SBF1: variants seen among roughly 807,000 people sequenced by gnomAD.
SBF1 encodes the protein SET binding factor 1.
SBF1 carries 65 observed loss-of-function variants against 215.8 expected under a neutral mutation model. That is an observed-to-expected ratio of 0.30 (90% CI 0.25 to 0.37). The LOEUF (loss-of-function observed/expected upper bound fraction) is 0.37. Ranked by LOEUF, SBF1 falls within the 10% of genes least tolerant of loss-of-function variation. The probability of loss-of-function intolerance (pLI) is 1.00; values close to 1 mark genes in which losing one functional copy is unlikely to be tolerated. For missense variants in SBF1, 2,634 were observed against 2,667.8 expected, an observed-to-expected ratio of 0.99 and a Z score of 0.28; for synonymous variants, 1,410 against 1,122.8, an observed-to-expected ratio of 1.26 and a Z score of -5.11.
In SBF1 at chr22:50,474,767, G is replaced by T; in HGVS notation, c.55+19C>A. 3 of 1,460,668 alleles carry T rather than the reference G, an allele frequency of 2.1e-6. No homozygotes were observed. The highest frequency in any genetic ancestry group is 2.7e-6 in the Non-Finnish European group (3 of 1,109,976). The allele number at this position is 1,460,668 out of a possible 1,614,324, so 90.5% of individuals were successfully genotyped here. ...CGACCCTCGGCCCCCGGCCCTCAGC[G>T]CTTGGCCTCGGCACTCACCGCGCGG... On this transcript the variant is annotated intron_variant, in intron 1 of 40. Coordinates refer to ENST00000380817, the MANE Select transcript of SBF1 (RefSeq NM_002972.4).
intron 26 of SBF1, 34 bp downstream of exon 26, chr22:50,459,918 T>C: frequency 1.2e-6 from 2 of 1,608,660 alleles, no homozygotes; most frequent in South Asian, 1.1e-5. Context: ...CAGTCACGTG[T>C]CCACCACCCG....
rs539517246 is a variant in SBF1, at chr22:50,446,193, C to G, written c.*949G>C. The G allele has an allele frequency of 6.6e-6, 1 of 152,502 alleles. No individual in the cohort carries two copies. The highest frequency in any genetic ancestry group is 1.5e-5 in the Non-Finnish European group (1 of 68,274). 9.4% of individuals were successfully genotyped at this position (152,502 alleles called of 1,614,324 possible). On this transcript the variant is annotated 3_prime_UTR_variant, in exon 41 of 41. Coordinates refer to ENST00000380817, the MANE Select transcript of SBF1 (RefSeq NM_002972.4). Reference sequence around the variant, plus strand: ...CACAGTGACACCAAGAAGGGAAGGACGGGGGCCCTCTGAGACCCCAGGGAA... The same window carrying G: ...CACAGTGACACCAAGAAGGGAAGGAGGGGGGCCCTCTGAGACCCCAGGGAA...
chr22:50,469,099 G>A (rs1304223644), intron 1 of SBF1, among the ~76,000 whole-genome samples: 1 of 152,144 alleles, frequency 6.6e-6, no homozygotes, highest in Non-Finnish European at 1.5e-5. Context: ...AGGACCTAGA[G>A]GGGCAGCAGC....
rs1389663024 is a variant in SBF1 at position 50,468,666 on chromosome 22, C to T, written c.56-205G>A. Among the ~76,000 whole-genome samples, 5 of 152,026 alleles carry T rather than the reference C, an allele frequency of 3.3e-5. No individual in the cohort carries two copies. The South Asian group carries it at 6.2e-4, about 19-fold the overall frequency. On this transcript the variant is annotated intron_variant, in intron 1 of 40. Transcript: ENST00000380817. Reference sequence around the variant, plus strand: ...CACCTGAGGGTAGAGAAGCCCCTGCCGCTACACCCCATTCTCCGATCCCAC... The same window carrying T: ...CACCTGAGGGTAGAGAAGCCCCTGCTGCTACACCCCATTCTCCGATCCCAC...
rs372070515 is a variant in SBF1, at chr22:50,446,828, T to C, written c.*314A>G. 3.1e-5 allele frequency: 22 copies of C among 701,260 alleles called. No homozygotes were observed. The highest frequency in any genetic ancestry group is 1.4e-4 in the South Asian group (10 of 71,984). 43.4% of individuals were successfully genotyped at this position (701,260 alleles called of 1,614,324 possible). On this transcript the variant is annotated 3_prime_UTR_variant, in exon 41 of 41. Transcript: ENST00000380817. The stretch of plus-strand genomic sequence containing the variant: ...GCGTGGCGTTAGTTCTCTCTTTATA[T>C]AGACTCTGGTTCTAGAAACTCGCCT...
intron 1 of SBF1, among the ~76,000 whole-genome samples, chr22:50,472,030 C>T (rs1462913585): frequency 6.6e-6 from 1 of 152,224 alleles, no homozygotes; most frequent in African/African-American, 2.4e-5. Context: ...TCAAAGACAC[C>T]TCAGCACTGG....
chr22:50,467,817 A>C lies in SBF1; in HGVS notation c.248T>G (p.Leu83Trp), dbSNP rs1179208323. ...AGGCTCCGCTGGCTCCCAGAAGGTCAAGCAGGCGCAGTAGTGGCGCTCGGA... is the reference window on the plus strand; with the variant it reads ...AGGCTCCGCTGGCTCCCAGAAGGTCCAGCAGGCGCAGTAGTGGCGCTCGGA... ...INSERHYCACLTFWEPAEPSQ... is the reference protein window; with the variant it reads ...INSERHYCACWTFWEPAEPSQ... Residue 83 changes from leucine to tryptophan, a missense_variant, in exon 3 of 41, where the codon TTG becomes TGG. By Grantham distance (61) the Leu-to-Trp change is moderately conservative. Transcript: ENST00000380817. The C allele has an allele frequency of 1.2e-6, 2 of 1,613,954 alleles. No individual in the cohort carries two copies. Among genetic ancestry groups the C allele is most frequent in the Non-Finnish European group, 8.5e-7 (1 of 1,179,976 alleles).
intron 32 of SBF1, 29 bp downstream of exon 32, chr22:50,455,452 G>T (rs750103069): frequency 6.2e-7 from 1 of 1,612,310 alleles, no homozygotes; most frequent in South Asian, 1.1e-5. Context: ...CCGGGAGCCT[G>T]GCCCACCCCA....
chr22:50,468,324 C>G (rs536314431), intron 2 of SBF1, 52 bp downstream of exon 2: 1 of 1,539,012 alleles, frequency 6.5e-7, no homozygotes, highest in African/African-American at 1.4e-5. Flanking sequence ...CAGGGCTGTG[C>G]CCACCTGCCC....
Position 50,447,233 on chromosome 22 carries a change from G to A in SBF1, c.5591C>T (p.Thr1864Ile). 6.2e-7 allele frequency: 1 copy of A among 1,613,970 alleles called. No individual in the cohort carries two copies. The highest frequency in any genetic ancestry group is 8.5e-7 in the Non-Finnish European group (1 of 1,179,960). ...ACAGAAGTTGTAAACGCGACGCGTT[G>A]TCTTCACCTGGGGAAGGGCGGGTTA... ...VDEKAFFDVK[T>I]TRRVYNFCAQ... The change falls in exon 41 of 41, where the codon ACA becomes ATA. Residue 1864 changes from threonine to isoleucine, a missense_variant. Coordinates refer to ENST00000380817, the MANE Select transcript of SBF1 (RefSeq NM_002972.4).
chr22:50,448,759 G>A (rs1257274198), intron 36 of SBF1, 109 bp from the exon 37 acceptor site: 18 of 778,058 alleles, frequency 2.3e-5, no homozygotes, highest in Non-Finnish European at 2.9e-5. Flanking sequence ...GGCCTAACGC[G>A]TGTGTGACTG....
chr22:50,458,448 A>G (rs987530368), intron 28 of SBF1, among the ~76,000 whole-genome samples: 3 of 152,132 alleles, frequency 2.0e-5, no homozygotes, highest in Non-Finnish European at 2.9e-5. Flanking sequence ...TCGGAGACGC[A>G]AAAGGGACTC....
chr22:50,468,450 C>G lies in SBF1; in HGVS notation c.67G>C (p.Gly23Arg), dbSNP rs1326876119. Residue 23 changes from glycine (G) to arginine (R), a missense_variant, in exon 2 of 41, where the codon GGC becomes CGC. By Grantham distance (125) the Gly-to-Arg change is moderately radical. Coordinates refer to ENST00000380817, the MANE Select transcript of SBF1 (RefSeq NM_002972.4). Reference protein sequence around the residue: ...FGPHPRGSGEGQGQILQRFPE... With the variant: ...FGPHPRGSGERQGQILQRFPE... ...AAGCGCTGCAGAATCTGGCCCTGGCCTTCCCCACTCCCTGAGGACAAGAAC... is the reference window on the plus strand; with the variant it reads ...AAGCGCTGCAGAATCTGGCCCTGGCGTTCCCCACTCCCTGAGGACAAGAAC... 1 of 1,606,642 alleles carries G rather than the reference C, an allele frequency of 6.2e-7. No individual in the cohort carries two copies.
chr22:50,466,893 G>A (rs1603434149), intron 5 of SBF1, 183 bp from the exon 6 acceptor site: 2 of 582,204 alleles, frequency 3.4e-6, no homozygotes, highest in Non-Finnish European at 6.1e-6. Flanking sequence ...AGCAGCTGCA[G>A]AGAAAACTCA....
In SBF1 at chr22:50,454,753, G is replaced by A. The variant is rs758155054; in HGVS notation, c.4813-11C>T. The A allele has an allele frequency of 2.5e-6, 4 of 1,589,384 alleles. No individual in the cohort carries two copies. The highest frequency in any genetic ancestry group is 3.7e-5 in the Admixed American group (2 of 54,622). On this transcript the variant is annotated splice_polypyrimidine_tract_variant and intron_variant, in intron 35 of 40. Coordinates refer to ENST00000380817, the MANE Select transcript of SBF1 (RefSeq NM_002972.4). Reference sequence around the variant, plus strand: ...GTAGGGCCGCAGGACCTGAGGGTGGGCCTGTGGTTGAGGACCTGGGTCGGG... The same window carrying A: ...GTAGGGCCGCAGGACCTGAGGGTGGACCTGTGGTTGAGGACCTGGGTCGGG...
chr22:50,464,153 A>T (rs572145206), intron 15 of SBF1, among the ~76,000 whole-genome samples, 176 bp downstream of exon 15: 1 of 152,268 alleles, frequency 6.6e-6, no homozygotes, highest in East Asian at 1.9e-4. Context: ...CCCCTCACTG[A>T]GGTCAAGAGA....
rs191548191 is a variant in SBF1, at chr22:50,473,214, G to A, written c.55+1572C>T. 4.4e-3 allele frequency among the ~76,000 whole-genome samples: 671 copies of A among 152,178 alleles called. 5 individuals are homozygous for A. The highest frequency in any genetic ancestry group is 7.8e-3 in the Non-Finnish European group (532 of 67,980). On this transcript the variant is annotated intron_variant, in intron 1 of 40. Coordinates refer to ENST00000380817, the MANE Select transcript of SBF1 (RefSeq NM_002972.4). ...CCAAACCCTCTCCACACTGCCCTCA[G>A]GATCATCAGGGTCATTATCAGCTGT...
chr22:50,462,800 G>T, intron 17 of SBF1, 70 bp downstream of exon 17: 8 of 1,605,568 alleles, frequency 5.0e-6, no homozygotes, highest in Non-Finnish European at 6.8e-6. Context: ...AGGAAGGGGG[G>T]CTGGGAAGGA....
chr22:50,465,698 G>A, intron 10 of SBF1, 65 bp downstream of exon 10: 2 of 1,444,610 alleles, frequency 1.4e-6, no homozygotes, highest in Non-Finnish European at 1.9e-6. Context: ...GTCAGTGGCA[G>A]CAGACCTGAG....
Sources: allele counts gnomAD v4.1 joint callset (sites outside exome capture counted in the v4.1 genomes callset), GRCh38; gene constraint gnomAD v4.1.1; transcripts MANE v1.5; gene names NCBI Gene and HGNC (gene_info 2026-07-23, HGNC 2026-07-21).